The following SAFB2 variants were observed in gnomAD, a reference collection of about 807,000 sequenced individuals.
SAFB2 encodes scaffold attachment factor B2.
A neutral mutation model predicts 100.6 loss-of-function variants in SAFB2; 32 were observed. That is an observed-to-expected ratio of 0.32 (90% CI 0.24 to 0.43). The LOEUF (loss-of-function observed/expected upper bound fraction) is 0.43. SAFB2 is among the 20% of genes least tolerant of loss of function. The probability of loss-of-function intolerance (pLI) is 1.00; values close to 1 mark genes in which losing one functional copy is unlikely to be tolerated. For missense variants in SAFB2, 1,185 were observed against 1,163.4 expected (o/e 1.02, Z -0.27); for synonymous variants, 500 against 439.4 (o/e 1.14, Z -1.72).
intron 17 of SAFB2, chr19:5,591,338 G>A (rs1243462380): frequency 1.3e-5 from 2 of 152,668 alleles, no homozygotes; most frequent in African/African-American, 2.5e-5. Flanking sequence ...GAGTGCAATG[G>A]TGCGACCTCG....
chr19:5,598,437 G>C, intron 13 of SAFB2: 1 of 271,774 alleles, frequency 3.7e-6, no homozygotes, highest in Non-Finnish European at 7.2e-6. Context: ...AAAACCAATG[G>C]AAGAAAGTAG....
At chr19:5,610,737 A>T (rs186921210) in intron 7 of SAFB2, 49 bp from the exon 8 acceptor site, 1 of 1,289,598 alleles carries the variant, frequency 7.8e-7, no homozygotes, top group Non-Finnish European at 1.1e-6. Flanking sequence ...ACGAAAGAGA[A>T]CAAAACTAAA....
At chr19:5,600,104 C>T in intron 12 of SAFB2, 26 bp downstream of exon 12, 1 of 1,601,970 alleles carries the variant, frequency 6.2e-7, no homozygotes, top group Admixed American at 1.8e-5. Context: ...CTTCCCCTTC[C>T]ACAGCTCTTA....
At chr19:5,615,922 A>G (rs2053017882) in intron 4 of SAFB2, among the ~76,000 whole-genome samples, 2 of 152,254 alleles carry the variant, frequency 1.3e-5, no homozygotes, top group Non-Finnish European at 2.9e-5. Context: ...TTCGAATTAT[A>G]AAAACACTCC....
chr19:5,599,205 G>A (rs79945664), intron 12 of SAFB2, among the ~76,000 whole-genome samples: 58 of 152,182 alleles, frequency 3.8e-4, no homozygotes, highest in East Asian at 1.2e-3. Flanking sequence ...ACACAGCTCC[G>A]GAGCTGGTCT....
rs770922852 is a variant in SAFB2, at chr19:5,598,805, C to T, written c.1770G>A (p.Arg590=). 1 of 1,614,176 alleles carries T rather than the reference C, an allele frequency of 6.2e-7. No individual in the cohort carries two copies. The change falls in exon 13 of 21, where the codon AGG becomes AGA. Residue 590 remains arginine, a synonymous_variant. Transcript: ENST00000252542. ...AGGCAATACTCACTCTCTCTTTGGA[C>T]CTGCTTGTGGTTTTCACGCTAATGA... ...EPVISVKTTS[R]SKERSSKSQD...
intron 11 of SAFB2, among the ~76,000 whole-genome samples, chr19:5,600,976 G>A (rs2052643219): frequency 6.6e-6 from 1 of 152,066 alleles, no homozygotes. Flanking sequence ...ACATGCCAGG[G>A]TCCAGGCAGG....
chr19:5,590,615 ACTGCCCCACCTGAG>A, intron 17 of SAFB2, among the ~76,000 whole-genome samples: 1 of 152,082 alleles, frequency 6.6e-6, no homozygotes, highest in South Asian at 2.1e-4. Flanking sequence ...CAGCTGCATC[ACTGCCCCACCTGAG>A]CTGCCCCAGG....
At chr19:5,598,469 G>A in intron 13 of SAFB2, 1 of 349,104 alleles carries the variant, frequency 2.9e-6, no homozygotes, top group South Asian at 3.5e-5. Flanking sequence ...GTCAACCAAA[G>A]AGTAGGACCT....
intron 4 of SAFB2, among the ~76,000 whole-genome samples, chr19:5,615,139 C>T (rs1467747916): frequency 6.6e-6 from 1 of 151,798 alleles, no homozygotes; most frequent in Admixed American, 6.6e-5. Flanking sequence ...CAGATCACGA[C>T]GTCAGGAGAT....
chr19:5,594,135 G>T lies in SAFB2; in HGVS notation c.1963C>A (p.His655Asn), dbSNP rs200752923. 536 of 1,602,052 alleles carry T rather than the reference G, an allele frequency of 3.3e-4. 4 individuals are homozygous for T. In the Middle Eastern group the frequency reaches 0.015, roughly 44 times the overall value. ...REREQRLEAFHERKEKARLQR... is the reference protein window; with the variant it reads ...REREQRLEAFNERKEKARLQR... Reference sequence around the variant, plus strand: ...AGCCGGGCCTTCTCCTTCCGCTCATGGAAGGCCTCGAGGCGTTGCTCCCGC... The same window carrying T: ...AGCCGGGCCTTCTCCTTCCGCTCATTGAAGGCCTCGAGGCGTTGCTCCCGC... Residue 655 changes from histidine (H) to asparagine (N), a missense_variant, in exon 15 of 21, where the codon CAT becomes AAT. Around this residue, in one of 3 missense-constraint regions of SAFB2, gnomAD observed 740 missense variants for 687.1 expected, o/e 1.08. Coordinates refer to ENST00000252542, the MANE Select transcript of SAFB2 (RefSeq NM_014649.3).
Position 5,621,329 on chromosome 19 carries a change from G to A in SAFB2, c.254C>T (p.Ser85Leu). The change falls in exon 2 of 21, where the codon TCA (serine) becomes TTA (leucine). Residue 85 changes from serine (S) to leucine (L), a missense_variant. Physicochemically the swap from Ser to Leu is moderately radical, Grantham distance 145. Coordinates refer to ENST00000252542, the MANE Select transcript of SAFB2 (RefSeq NM_014649.3). ...GIELEATSKK[S>L]AKRCVKGLKM... Reference sequence around the variant, plus strand: ...AATACCTTTAACACATCTCTTGGCTGACTTCTTGCTGGTGGCTTCTAACTC... The same window carrying A: ...AATACCTTTAACACATCTCTTGGCTAACTTCTTGCTGGTGGCTTCTAACTC... 1 of 1,612,684 alleles carries A rather than the reference G, an allele frequency of 6.2e-7. No individual in the cohort carries two copies. The highest frequency in any genetic ancestry group is 8.5e-7 in the Non-Finnish European group (1 of 1,178,656).
chr19:5,597,849 G>A (rs1452200910), intron 13 of SAFB2, among the ~76,000 whole-genome samples: 1 of 152,142 alleles, frequency 6.6e-6, no homozygotes, highest in African/African-American at 2.4e-5. Flanking sequence ...CTAAGTCTTG[G>A]TTGGGCACGG....
rs1172779878 is a variant in SAFB2, at chr19:5,587,661, C to A, written c.2705+40G>T. 3.3e-6 allele frequency: 5 copies of A among 1,522,518 alleles called. No homozygotes were observed. Among genetic ancestry groups the A allele is most frequent in the Non-Finnish European group, 4.4e-6 (5 of 1,131,810 alleles). The allele number at this position is 1,522,518 out of a possible 1,614,324, so 94.3% of individuals were successfully genotyped here. On this transcript the variant is annotated intron_variant, in intron 20 of 20. Coordinates refer to ENST00000252542, the MANE Select transcript of SAFB2 (RefSeq NM_014649.3). This position sits in a 1 kb window ranked among gnomAD's most constrained non-coding sequence, Gnocchi z 4.9. ...CAAAAAAGGGAGAGGAAGTGAGGAG[C>A]AGGAGTGAACCACCGTCCTCCACGG...
At chr19:5,612,440 G>C (rs1364371469) in intron 6 of SAFB2, 100 bp downstream of exon 6, 1 of 1,076,878 alleles carries the variant, frequency 9.3e-7, no homozygotes, top group Non-Finnish European at 1.4e-6. Context: ...CACCATTAGA[G>C]CAATTTACAA....
chr19:5,590,213 C>G, intron 18 of SAFB2, 65 bp downstream of exon 18: 2 of 1,370,248 alleles, frequency 1.5e-6, no homozygotes, highest in Non-Finnish European at 9.7e-7. Context: ...CGTGCCTGGC[C>G]AGGCACCAAC....
intron 11 of SAFB2, among the ~76,000 whole-genome samples, chr19:5,601,910 C>T (rs1197695526): frequency 2.0e-5 from 3 of 152,026 alleles, no homozygotes; most frequent in Non-Finnish European, 4.4e-5. Context: ...AAGCATCATC[C>T]CTAGGTGTTG....
At chr19:5,603,249 C>T (rs1269424672) in intron 11 of SAFB2, among the ~76,000 whole-genome samples, 1 of 152,084 alleles carries the variant, frequency 6.6e-6, no homozygotes, top group Admixed American at 6.5e-5. Context: ...GCCTGGGTGA[C>T]CCGTCTCAAA....
intron 9 of SAFB2, among the ~76,000 whole-genome samples, chr19:5,606,722 A>C (rs2052781863): frequency 6.6e-6 from 1 of 152,358 alleles, no homozygotes; most frequent in African/African-American, 2.4e-5. Context: ...ACAAAGATTA[A>C]ATTAACCTAG....
Sources: gnomAD v4.1 joint callset for allele counts (sites outside exome capture counted in the v4.1 genomes callset) on GRCh38, gnomAD v4.1.1 for gene constraint, gnomAD v4.1.1 regional missense constraint, Gnocchi (gnomAD v3.1) non-coding constraint, MANE v1.5 for transcripts, NCBI Gene and HGNC (gene_info 2026-07-23, HGNC 2026-07-21) for gene names.